The following MAST2 variants were observed in gnomAD, a reference collection of about 807,000 sequenced individuals.
MAST2 encodes the protein microtubule-associated serine/threonine-protein kinase 2.
A neutral mutation model predicts 147.4 loss-of-function variants in MAST2; 70 were observed. The observed-to-expected ratio is 0.47, with a 90% confidence interval of 0.39 to 0.58. The LOEUF (loss-of-function observed/expected upper bound fraction) is 0.58, where lower values mean the gene tolerates loss of function less well. Among genes scored for constraint, MAST2 ranks in the 20% least tolerant of loss-of-function variants. The pLI is 0.00. For missense variants in MAST2, 2,080 were observed against 2,302.3 expected (o/e 0.90, Z 1.98); for synonymous variants, 869 against 896.8 (o/e 0.97, Z 0.55).
chr1:45,885,719 C>G (rs982974534), intron 4 of MAST2, among the ~76,000 whole-genome samples: 2 of 152,110 alleles, frequency 1.3e-5, no homozygotes, highest in Non-Finnish European at 2.9e-5. Context: ...ATCTTTCCAT[C>G]CATGCATCCA....
At chr1:45,887,072 C>T (rs972956309) in intron 4 of MAST2, among the ~76,000 whole-genome samples, 2 of 152,210 alleles carry the variant, frequency 1.3e-5, no homozygotes, top group Admixed American at 6.5e-5. Flanking sequence ...AAGCTATCTG[C>T]CTACCTTGGC....
At chr1:45,894,489 C>T (rs987273382) in intron 4 of MAST2, among the ~76,000 whole-genome samples, 1 of 152,002 alleles carries the variant, frequency 6.6e-6, no homozygotes, top group Non-Finnish European at 1.5e-5. Flanking sequence ...GATAAGTCAG[C>T]ATAAAGCACA....
chr1:45,893,030 A>G (rs1648099667), intron 4 of MAST2, among the ~76,000 whole-genome samples: 1 of 152,226 alleles, frequency 6.6e-6, no homozygotes, highest in Non-Finnish European at 1.5e-5. Flanking sequence ...TACTAAGGAC[A>G]TCAAGTAAAG....
chr1:45,925,148 A>C (rs1352049602), intron 4 of MAST2, among the ~76,000 whole-genome samples: 1 of 152,132 alleles, frequency 6.6e-6, no homozygotes. Flanking sequence ...CTCTTTATTG[A>C]CTGTATCTTA....
chr1:45,843,971 A>C (rs1645352828), intron 3 of MAST2, among the ~76,000 whole-genome samples: 1 of 152,226 alleles, frequency 6.6e-6, no homozygotes, highest in South Asian at 2.1e-4. Context: ...TTTCATCTTG[A>C]ATAGTTAAGC....
At chr1:45,898,578 A>G (rs1649170746) in intron 4 of MAST2, among the ~76,000 whole-genome samples, 1 of 151,792 alleles carries the variant, frequency 6.6e-6, no homozygotes, top group African/African-American at 2.4e-5. Flanking sequence ...AGCAAAGCCC[A>G]CTCCAGAGTC....
intron 3 of MAST2, among the ~76,000 whole-genome samples, chr1:45,862,619 G>T (rs1646018904): frequency 6.6e-6 from 1 of 151,750 alleles, no homozygotes; most frequent in African/African-American, 2.4e-5. Context: ...ACAGCTGCCT[G>T]CCATCATGCC....
intron 4 of MAST2, among the ~76,000 whole-genome samples, chr1:45,935,156 T>C (rs991386632): frequency 2.0e-5 from 3 of 152,344 alleles, no homozygotes; most frequent in East Asian, 1.9e-4. Flanking sequence ...TGATTAGCGA[T>C]GTGGAGCATG....
Position 46,035,471 on chromosome 1 carries a change from A to T in MAST2, c.4802A>T (p.Asn1601Ile). ...GCCAGCTCCTCCTCAGCAGGCCCCA[A>T]CCTAGGTCAGTCTGGAGCCACAGAC... ...EAASSSSAGP[N>I]LGQSGATDPI... The change falls in exon 29 of 29, where the codon AAC (asparagine) becomes ATC (isoleucine). Residue 1601 changes from asparagine (N) to isoleucine (I), a missense_variant. By Grantham distance (149) the Asn-to-Ile change is moderately radical. Coordinates refer to ENST00000361297, the MANE Select transcript of MAST2 (RefSeq NM_015112.3). This position sits in a 1 kb window ranked among gnomAD's most constrained non-coding sequence, Gnocchi z 5.5. The T allele has an allele frequency of 6.2e-7, 1 of 1,613,192 alleles. No homozygotes were observed.
chr1:45,830,859 A>G (rs1644934403), intron 3 of MAST2, among the ~76,000 whole-genome samples: 1 of 151,686 alleles, frequency 6.6e-6, no homozygotes, highest in African/African-American at 2.4e-5. Flanking sequence ...CCTTGTCTAT[A>G]CAAATAATAA....
rs189995386 is a variant in MAST2 at position 45,854,186 on chromosome 1, A to G, written c.468+24605A>G. ...AAACCCTATCTACTAAAAATATAAC[A>G]ATTAGCCAGGAGTGATGGTTCATGC... On this transcript the variant is annotated intron_variant, in intron 3 of 28. Coordinates refer to ENST00000361297, the MANE Select transcript of MAST2 (RefSeq NM_015112.3). Among the ~76,000 whole-genome samples the G allele has an allele frequency of 3.5e-3, 532 of 152,144 alleles. 8 individuals carry two copies. The highest frequency in any genetic ancestry group is 1.7e-3 in the Non-Finnish European group (116 of 68,006).
At chr1:45,882,858 C>T (rs115906162) in intron 4 of MAST2, among the ~76,000 whole-genome samples, 1,837 of 152,270 alleles carry the variant, frequency 0.012, 27 homozygotes, top group African/African-American at 0.039. Context: ...AGGTTCCCAA[C>T]CTGTTTGGTT....
At chr1:45,884,995 T>G (rs1238378604) in intron 4 of MAST2, among the ~76,000 whole-genome samples, 2 of 152,168 alleles carry the variant, frequency 1.3e-5, no homozygotes, top group East Asian at 1.9e-4. Context: ...AAAGTACTGC[T>G]TAGCATTTGT....
chr1:45,918,078 G>A (rs957978887), intron 4 of MAST2, among the ~76,000 whole-genome samples: 3 of 152,292 alleles, frequency 2.0e-5, no homozygotes, highest in South Asian at 4.1e-4. Flanking sequence ...AGATTCTAGT[G>A]GAGAAAGAGA....
At chr1:45,837,976 G>A (rs979684894) in intron 3 of MAST2, among the ~76,000 whole-genome samples, 2 of 151,816 alleles carry the variant, frequency 1.3e-5, no homozygotes, top group Non-Finnish European at 2.9e-5. Flanking sequence ...GTGGGGTTTC[G>A]CCGTGTTGGT....
intron 3 of MAST2, among the ~76,000 whole-genome samples, chr1:45,876,841 T>C (rs1646626634): frequency 6.6e-6 from 1 of 152,174 alleles, no homozygotes; most frequent in Non-Finnish European, 1.5e-5. Context: ...TCCGTGCCTC[T>C]AAAGGAATGC....
chr1:45,903,912 G>C (rs186703595), intron 4 of MAST2, among the ~76,000 whole-genome samples: 1 of 152,172 alleles, frequency 6.6e-6, no homozygotes, highest in Non-Finnish European at 1.5e-5. Context: ...AATGTGTATT[G>C]TTTTAGGTGG....
At chr1:45,879,846 C>A (rs1053259114) in intron 3 of MAST2, among the ~76,000 whole-genome samples, 1 of 152,076 alleles carries the variant, frequency 6.6e-6, no homozygotes, top group African/African-American at 2.4e-5. Flanking sequence ...CAATGAGATA[C>A]CCGTACACAC....
At chr1:45,924,322 A>G (rs895054114) in intron 4 of MAST2, among the ~76,000 whole-genome samples, 2 of 152,258 alleles carry the variant, frequency 1.3e-5, no homozygotes, top group African/African-American at 4.8e-5. Context: ...TCCATTCTGC[A>G]ACATCTTTAT....
Sources: allele counts gnomAD v4.1 joint callset (sites outside exome capture counted in the v4.1 genomes callset), GRCh38; gene constraint gnomAD v4.1.1; non-coding constraint Gnocchi (gnomAD v3.1); transcripts MANE v1.5; gene names NCBI Gene and HGNC (gene_info 2026-07-23, HGNC 2026-07-21).